Variants in CPT2 observed in about 807,000 individuals in gnomAD.
The protein encoded by CPT2 is carnitine O-palmitoyltransferase 2, mitochondrial.
A neutral mutation model predicts 48.6 loss-of-function variants in CPT2; 37 were observed. The ratio of observed to expected loss-of-function variants is 0.76; its 90% CI spans 0.59 to 1.00. CPT2 has a LOEUF of 1.00. CPT2 is among the 50% of genes least tolerant of loss of function. CPT2 has a pLI of 0.00. For synonymous variants in CPT2, 319 were observed against 326.9 expected (o/e 0.98, Z 0.26); for missense variants, 772 against 825.6 (o/e 0.94, Z 0.80).
At chr1:53,200,611 G>A (rs1645348392) in intron 1 of CPT2, 108 bp from the exon 2 acceptor site, 1 of 891,350 alleles carries the variant, frequency 1.1e-6, no homozygotes, top group Non-Finnish European at 1.9e-6. Context: ...CTGATTATTG[G>A]TTTTGGGGGA....
At chr1:53,199,866 G>A (rs944263376) in intron 1 of CPT2, 1 of 152,260 alleles carries the variant, frequency 6.6e-6, no homozygotes, top group Admixed American at 6.5e-5. Flanking sequence ...TATGTATCAT[G>A]TTTCAGTTTT....
chr1:53,205,863 G>A (rs568103118), intron 3 of CPT2, among the ~76,000 whole-genome samples: 7 of 152,316 alleles, frequency 4.6e-5, no homozygotes, highest in Non-Finnish European at 1.0e-4. Flanking sequence ...GCATGCAGGT[G>A]TGCAGAAAAC....
In CPT2 at chr1:53,210,876, G is replaced by T. The variant is rs146670074; in HGVS notation, c.1202G>T (p.Ser401Ile). 5.3e-5 allele frequency: 86 copies of T among 1,614,052 alleles called. No homozygotes were observed. The highest frequency in any genetic ancestry group is 1.4e-5 in the Non-Finnish European group (17 of 1,180,044). The change falls in exon 4 of 5, where the codon AGC (serine) becomes ATC (isoleucine). Residue 401 changes from serine to isoleucine, a missense_variant. Ser to Ile is a moderately radical substitution (Grantham distance 142). Transcript: ENST00000371486. ...CAGACCCCTGCCGTCACTCCACAGA[G>T]CCAGCCAGCTACCACTGACTCTACT... ...STQTPAVTPQSQPATTDSTVT... is the reference protein window; with the variant it reads ...STQTPAVTPQIQPATTDSTVT...
chr1:53,205,133 A>G (rs1420267074), intron 3 of CPT2, among the ~76,000 whole-genome samples: 1 of 152,230 alleles, frequency 6.6e-6, no homozygotes, highest in Non-Finnish European at 1.5e-5. Context: ...GATGTCAGAC[A>G]GTTTGGAACT....
chr1:53,213,478 G>C lies in CPT2; in HGVS notation c.1860G>C (p.Trp620Cys). The C allele has an allele frequency of 6.2e-7, 1 of 1,614,254 alleles. No homozygotes were observed. Among genetic ancestry groups the C allele is most frequent in the Non-Finnish European group, 8.5e-7 (1 of 1,180,044 alleles). ...TTGGGTATGCTGTTCATGACAACTG[G>C]ATAGGCTGCAATGTCTCTTCCTACC... ...FGVGYAVHDNWIGCNVSSYPG... is the reference protein window; with the variant it reads ...FGVGYAVHDNCIGCNVSSYPG... The change falls in exon 5 of 5, where the codon TGG becomes TGC. Residue 620 changes from tryptophan to cysteine, a missense_variant. Coordinates refer to ENST00000371486, the MANE Select transcript of CPT2 (RefSeq NM_000098.3).
In CPT2 at chr1:53,210,717, C is replaced by G; in HGVS notation, c.1043C>G (p.Thr348Arg). Residue 348 changes from threonine to arginine, a missense_variant, in exon 4 of 5, where the codon ACA (threonine) becomes AGA (arginine). Thr to Arg is a moderately conservative substitution (Grantham distance 71). Coordinates refer to ENST00000371486, the MANE Select transcript of CPT2 (RefSeq NM_000098.3). ...CACAATATGCTGCATGGGGATGGCA[C>G]AAACCGCTGGTTTGATAAATCCTTT... ...LSHNMLHGDG[T>R]NRWFDKSFNL... is the part of the protein sequence containing the mutation. 1 of 1,614,200 alleles carries G rather than the reference C, an allele frequency of 6.2e-7. No homozygotes were observed. Among genetic ancestry groups the G allele is most frequent in the Non-Finnish European group, 8.5e-7 (1 of 1,180,036 alleles).
intron 3 of CPT2, chr1:53,202,727 T>C (rs1329458684): frequency 2.4e-6 from 1 of 409,880 alleles, no homozygotes; most frequent in Non-Finnish European, 4.6e-6. Context: ...ATGTCCTATA[T>C]CATTCTGGGT....
At chr1:53,204,270 C>G (rs1645372519) in intron 3 of CPT2, 2 of 151,646 alleles carry the variant, frequency 1.3e-5, no homozygotes, top group African/African-American at 2.4e-5. Context: ...ATTTTCTTTT[C>G]TCTCACATTT....
intron 4 of CPT2, among the ~76,000 whole-genome samples, chr1:53,211,748 G>T (rs141359500): frequency 7.3e-5 from 11 of 150,830 alleles, no homozygotes; most frequent in African/African-American, 2.7e-4. Flanking sequence ...ATAGGCACCC[G>T]CCACTACACC....
rs1645440035 is a variant in CPT2, at chr1:53,213,121, A to G, written c.1646-143A>G. ...GCTTGAGCTGCTCTGAAGGTTAGTCAGTTGGTGGTGTGCATAGAGGTAGAG... is the reference window on the plus strand; with the variant it reads ...GCTTGAGCTGCTCTGAAGGTTAGTCGGTTGGTGGTGTGCATAGAGGTAGAG... On this transcript the variant is annotated intron_variant, in intron 4 of 4. Transcript: ENST00000371486. The G allele has an allele frequency of 5.5e-6, 4 of 728,682 alleles. No individual in the cohort carries two copies. In the Admixed American group the frequency reaches 8.1e-5, roughly 15 times the overall value. 45.1% of individuals were successfully genotyped at this position (728,682 alleles called of 1,614,324 possible). A position where few individuals can be genotyped will look rare whatever the true frequency, so the allele number is the denominator to read the frequency against.
At position 53,197,029 on chromosome 1, in the gene CPT2, C is replaced by G. The variant is rs1350053065; in HGVS notation, c.86C>G (p.Ser29Cys). 6 of 1,536,648 alleles carry G rather than the reference C, an allele frequency of 3.9e-6. No individual in the cohort carries two copies. Among genetic ancestry groups the G allele is most frequent in the Non-Finnish European group, 5.2e-6 (6 of 1,145,516 alleles). The change falls in exon 1 of 5, where the codon TCC becomes TGC. Residue 29 changes from serine to cysteine, a missense_variant. By Grantham distance (112) the Ser-to-Cys change is moderately radical (BLOSUM62 -1). Transcript: ENST00000371486. ...GAPSRPLSAGSGPGQYLQRSI... is the reference protein window; with the variant it reads ...GAPSRPLSAGCGPGQYLQRSI... ...CCCAGTCGGCCCCTCAGCGCCGGCTCCGGGCCCGGCCAGTACCTGCAGCGC... is the reference window on the plus strand; with the variant it reads ...CCCAGTCGGCCCCTCAGCGCCGGCTGCGGGCCCGGCCAGTACCTGCAGCGC...
In CPT2 at chr1:53,209,435, A is replaced by G. The variant is rs1206415937; in HGVS notation, c.341-580A>G. ...TGTCCATTACCTGATGAGTGGATAA[A>G]CAAAATATAGTATATCCATATAATG... is the stretch of plus-strand genomic sequence containing the variant. On this transcript the variant is annotated intron_variant, in intron 3 of 4. Transcript: ENST00000371486. 29 of 157,728 alleles carry G rather than the reference A, an allele frequency of 1.8e-4. 2 individuals are homozygous for G. The highest frequency in any genetic ancestry group is 1.8e-3 in the Admixed American group (29 of 16,466). 9.8% of individuals were successfully genotyped at this position (157,728 alleles called of 1,614,324 possible).
rs115408040 is a variant in CPT2, at chr1:53,213,617, A to T, written c.*22A>T. 7.5e-4 allele frequency: 1,207 copies of T among 1,601,178 alleles called. 7 individuals carry two copies. The African/African-American group carries it at 0.015, about 19-fold the overall frequency. ...TTAACTTCTGGGCAGATGAAAAGCTACCATCACTTCCTCATCATGAAAACT... is the reference window on the plus strand; with the variant it reads ...TTAACTTCTGGGCAGATGAAAAGCTTCCATCACTTCCTCATCATGAAAACT... On this transcript the variant is annotated 3_prime_UTR_variant, in exon 5 of 5. Transcript: ENST00000371486.
chr1:53,211,987 G>C lies in CPT2; in HGVS notation c.1645+668G>C, dbSNP rs112400753. On this transcript the variant is annotated intron_variant, in intron 4 of 4. Coordinates refer to ENST00000371486, the MANE Select transcript of CPT2 (RefSeq NM_000098.3). ...GGCTCACTGCAACCTCAACTTCCTTGGCTCAAACAATCCTCCTGCCTCAGC... is the reference window on the plus strand; with the variant it reads ...GGCTCACTGCAACCTCAACTTCCTTCGCTCAAACAATCCTCCTGCCTCAGC... Among the ~76,000 whole-genome samples, 1,461 of 151,810 alleles carry C rather than the reference G, an allele frequency of 9.6e-3. 7 individuals are homozygous for C. The highest frequency in any genetic ancestry group is 0.016 in the Non-Finnish European group (1,057 of 67,932).
At chr1:53,212,290 C>A (rs1359629751) in intron 4 of CPT2, among the ~76,000 whole-genome samples, 2 of 152,020 alleles carry the variant, frequency 1.3e-5, no homozygotes, top group African/African-American at 4.8e-5. Flanking sequence ...GTCTCAAACT[C>A]CTGACCTCAT....
In CPT2 at chr1:53,202,634, T is replaced by G. The variant is rs922447147; in HGVS notation, c.340+205T>G. The stretch of plus-strand genomic sequence containing the variant: ...GTTGACTTGAGCCCATGCTCAAGAA[T>G]GATGGCCAGCCTTCTCTGTAGATGG... On this transcript the variant is annotated intron_variant, in intron 3 of 4. Coordinates refer to ENST00000371486, the MANE Select transcript of CPT2 (RefSeq NM_000098.3). 6.6e-6 allele frequency: 4 copies of G among 610,134 alleles called. No individual in the cohort carries two copies. The African/African-American group carries it at 7.3e-5, about 11-fold the overall frequency. 37.8% of individuals were successfully genotyped at this position (610,134 alleles called of 1,614,324 possible). A position where few individuals can be genotyped will look rare whatever the true frequency, so the allele number is the denominator to read the frequency against.
rs373420308 is a variant in CPT2 at position 53,210,933 on chromosome 1, C to A, written c.1259C>A (p.Thr420Asn). The change falls in exon 4 of 5, where the codon ACT becomes AAT. Residue 420 changes from threonine to asparagine, a missense_variant. Thr to Asn is a moderately conservative substitution (Grantham distance 65, BLOSUM62 0). Transcript: ENST00000371486. ...VTVQKLNFEL[T>N]DALKTGITAA... ...GTGCAGAAACTCAACTTCGAGCTGA[C>A]TGATGCCTTAAAGACTGGCATCACA... 2.5e-6 allele frequency: 4 copies of A among 1,614,210 alleles called. No individual in the cohort carries two copies. Among genetic ancestry groups the A allele is most frequent in the Non-Finnish European group, 2.5e-6 (3 of 1,180,042 alleles).
intron 4 of CPT2, chr1:53,211,584 T>TA: frequency 2.0e-6 from 1 of 492,864 alleles, no homozygotes; most frequent in Non-Finnish European, 3.6e-6. Flanking sequence ...TGTGACGCAT[T>TA]AATTCTTTTT....
At chr1:53,208,641 A>G (rs775446345) in intron 3 of CPT2, 2 of 152,258 alleles carry the variant, frequency 1.3e-5, no homozygotes, top group African/African-American at 2.4e-5. Flanking sequence ...GGAGCAATCA[A>G]GTATGATTGT....
Sources: gnomAD v4.1 joint callset for allele counts (sites outside exome capture counted in the v4.1 genomes callset) on GRCh38, gnomAD v4.1.1 for gene constraint, MANE v1.5 for transcripts, NCBI Gene and HGNC (gene_info 2026-07-23, HGNC 2026-07-21) for gene names.